The following WWOX variants were observed in gnomAD, a reference collection of about 807,000 sequenced individuals.
WWOX encodes WW domain containing oxidoreductase.
A neutral mutation model predicts 46.2 loss-of-function variants in WWOX; 69 were observed. The observed-to-expected ratio is 1.49, with a 90% CI of 1.23 to 1.82. The LOEUF (loss-of-function observed/expected upper bound fraction) is 1.82. WWOX is among the 40% of genes most tolerant of loss of function. The pLI, the probability that WWOX is intolerant of heterozygous loss-of-function variation, is 0.00. For missense variants in WWOX, 919 were observed against 542.6 expected (o/e 1.69, Z -6.89); for synonymous variants, 359 against 202.6 (o/e 1.77, Z -6.56).
intron 8 of WWOX, among the ~76,000 whole-genome samples, chr16:78,719,306 G>A (rs755268437): frequency 2.6e-5 from 4 of 152,200 alleles, no homozygotes; most frequent in Non-Finnish European, 5.9e-5. Context: ...CCTTCCCTGT[G>A]GAAGCCCCAT....
At chr16:78,414,511 G>C (rs1357268269) in intron 6 of WWOX, among the ~76,000 whole-genome samples, 2 of 152,230 alleles carry the variant, frequency 1.3e-5, no homozygotes, top group African/African-American at 4.8e-5. Flanking sequence ...GGAGATTGCA[G>C]TGAGCCAATT....
At chr16:78,927,001 T>A (rs1026002612) in intron 8 of WWOX, among the ~76,000 whole-genome samples, 1 of 152,106 alleles carries the variant, frequency 6.6e-6, no homozygotes, top group Non-Finnish European at 1.5e-5. Flanking sequence ...TTGGCATGTT[T>A]CCCAGGCTGG....
chr16:78,524,953 C>T (rs2667613), intron 8 of WWOX, among the ~76,000 whole-genome samples: 2 of 144,886 alleles, frequency 1.4e-5, no homozygotes, highest in South Asian at 4.4e-4. Flanking sequence ...GCAGCTTCCA[C>T]CTCCTGGGCT....
intron 4 of WWOX, among the ~76,000 whole-genome samples, chr16:78,139,122 C>G (rs1464793244): frequency 6.6e-6 from 1 of 152,128 alleles, no homozygotes; most frequent in Non-Finnish European, 1.5e-5. Flanking sequence ...GTCCTAGGAG[C>G]AACCCTTAAA....
At chr16:78,636,071 A>G (rs1325381312) in intron 8 of WWOX, among the ~76,000 whole-genome samples, 1 of 152,130 alleles carries the variant, frequency 6.6e-6, no homozygotes, top group African/African-American at 2.4e-5. Flanking sequence ...TTCCTAGGAG[A>G]GACATCTGCA....
chr16:78,935,511 A>C (rs1051102714), intron 8 of WWOX, among the ~76,000 whole-genome samples: 1 of 151,866 alleles, frequency 6.6e-6, no homozygotes, highest in African/African-American at 2.4e-5. Flanking sequence ...AAGGACAAAA[A>C]AACCAAACAC....
chr16:79,173,284 T>TCCATATG (rs1555539777), intron 8 of WWOX, among the ~76,000 whole-genome samples: 1 of 150,564 alleles, frequency 6.6e-6, no homozygotes, highest in Non-Finnish European at 1.5e-5. Flanking sequence ...ACCCTGCATG[T>TCCATATG]CCATGTGCCA....
At chr16:78,736,025 G>A (rs1008966823) in intron 8 of WWOX, among the ~76,000 whole-genome samples, 1 of 152,210 alleles carries the variant, frequency 6.6e-6, no homozygotes, top group South Asian at 2.1e-4. Context: ...CCTGTGTTTT[G>A]TTGAGTGGTG....
intron 8 of WWOX, among the ~76,000 whole-genome samples, chr16:79,065,694 A>G (rs1284965140): frequency 6.6e-6 from 1 of 152,106 alleles, no homozygotes; most frequent in Non-Finnish European, 1.5e-5. Context: ...GCCTTTTAGG[A>G]GCTTTACAAA....
chr16:78,844,551 T>G (rs1474307025), intron 8 of WWOX, among the ~76,000 whole-genome samples: 1 of 152,072 alleles, frequency 6.6e-6, no homozygotes, highest in African/African-American at 2.4e-5. Context: ...TGGGAAATGA[T>G]AGGTGTACAA....
chr16:78,409,039 G>C (rs2082612673), intron 6 of WWOX, among the ~76,000 whole-genome samples: 2 of 152,178 alleles, frequency 1.3e-5, no homozygotes, highest in Admixed American at 1.3e-4. Context: ...TTATAAGGCT[G>C]CTGCTTATAG....
chr16:78,896,470 G>C (rs1312332722), intron 8 of WWOX: 1 of 152,116 alleles, frequency 6.6e-6, no homozygotes, highest in Non-Finnish European at 1.5e-5. Flanking sequence ...GGCCAGCGTT[G>C]CTTCCCCTAC....
At chr16:78,998,529 C>G (rs911598789) in intron 8 of WWOX, among the ~76,000 whole-genome samples, 2 of 152,126 alleles carry the variant, frequency 1.3e-5, no homozygotes, top group South Asian at 2.1e-4. Flanking sequence ...ATTCTGTGTT[C>G]AAATCTTGGC....
chr16:78,830,668 G>A (rs796940212), intron 8 of WWOX, among the ~76,000 whole-genome samples: 10 of 151,812 alleles, frequency 6.6e-5, no homozygotes, highest in African/African-American at 2.4e-4. Flanking sequence ...CTGCAGCACC[G>A]ATTGGGGCTG....
chr16:78,470,631 G>C (rs2084199989), intron 8 of WWOX, among the ~76,000 whole-genome samples: 1 of 152,206 alleles, frequency 6.6e-6, no homozygotes, highest in African/African-American at 2.4e-5. Context: ...CTGGATTCAA[G>C]CCATTCTCCT....
intron 5 of WWOX, among the ~76,000 whole-genome samples, chr16:78,383,458 C>G (rs1016878888): frequency 1.5e-4 from 23 of 152,138 alleles, no homozygotes; most frequent in African/African-American, 4.8e-4. Context: ...GTTGCAGATT[C>G]ACTGCCAGAC....
chr16:79,189,599 C>G (rs2051090995), intron 8 of WWOX, among the ~76,000 whole-genome samples: 1 of 151,898 alleles, frequency 6.6e-6, no homozygotes, highest in Non-Finnish European at 1.5e-5. Flanking sequence ...CTGTGCCCAG[C>G]CTAGGAAAGC....
At chr16:78,685,942 G>A (rs1253713525) in intron 8 of WWOX, among the ~76,000 whole-genome samples, 1 of 151,934 alleles carries the variant, frequency 6.6e-6, no homozygotes. Flanking sequence ...AGGGAGGGAG[G>A]AGAGACATGG....
At chr16:78,288,599 C>A (rs1481803816) in intron 5 of WWOX, among the ~76,000 whole-genome samples, 5 of 152,170 alleles carry the variant, frequency 3.3e-5, no homozygotes, top group African/African-American at 9.7e-5. Context: ...CAATTTTATA[C>A]CAATCCCTTG....
Sources: allele counts gnomAD v4.1 joint callset (sites outside exome capture counted in the v4.1 genomes callset), GRCh38; gene constraint gnomAD v4.1.1; transcripts MANE v1.5; gene names NCBI Gene and HGNC (gene_info 2026-07-23, HGNC 2026-07-21).